ARHGAP26: variants seen among roughly 807,000 people sequenced by gnomAD.
ARHGAP26 encodes the protein Rho GTPase activating protein 26.
In ARHGAP26, 38 loss-of-function variants were observed where a neutral mutation model predicts 104.8. That is an observed-to-expected ratio of 0.36 (90% CI 0.28 to 0.48). The LOEUF is 0.48. Ranked by LOEUF, ARHGAP26 falls within the 20% of genes least tolerant of loss-of-function variation. ARHGAP26 has a pLI of 0.99. For synonymous variants in ARHGAP26, 341 were observed against 340.0 expected (o/e 1.00, Z -0.03); for missense variants, 704 against 947.9 (o/e 0.74, Z 3.38).
chr5:143,042,772 A>G (rs1783669521), intron 14 of ARHGAP26, among the ~76,000 whole-genome samples: 1 of 152,170 alleles, frequency 6.6e-6, no homozygotes, highest in Non-Finnish European at 1.5e-5. Flanking sequence ...TGTGTAAAGA[A>G]ATCTCTTCTC....
intron 3 of ARHGAP26, among the ~76,000 whole-genome samples, chr5:142,878,455 G>C (rs976242957): frequency 6.6e-6 from 1 of 152,110 alleles, no homozygotes; most frequent in Admixed American, 6.5e-5. Context: ...GTGCTGCTTT[G>C]TCTCAGCACT....
At chr5:143,154,160 T>TTAAAAA (rs534282373) in intron 20 of ARHGAP26, among the ~76,000 whole-genome samples, 20 of 142,524 alleles carry the variant, frequency 1.4e-4, no homozygotes, top group African/African-American at 5.2e-4. Flanking sequence ...TTAAAAATAT[T>TTAAAAA]AAAAAAAAAA....
chr5:142,776,981 C>T (rs919049095), intron 1 of ARHGAP26, among the ~76,000 whole-genome samples: 7 of 152,256 alleles, frequency 4.6e-5, no homozygotes, highest in East Asian at 1.9e-4. Flanking sequence ...AGTGGTATCT[C>T]GTTGTGGTTT....
intron 20 of ARHGAP26, among the ~76,000 whole-genome samples, chr5:143,161,419 G>C (rs1027570287): frequency 4.6e-5 from 7 of 152,094 alleles, no homozygotes; most frequent in Admixed American, 1.3e-4. Context: ...AACCAACATT[G>C]TGAAATGTAA....
chr5:142,956,764 A>C (rs1431957937), intron 11 of ARHGAP26, among the ~76,000 whole-genome samples: 1 of 152,216 alleles, frequency 6.6e-6, no homozygotes, highest in Admixed American at 6.5e-5. Flanking sequence ...TTACAGTTCC[A>C]CTTGGCTGGG....
At chr5:142,813,593 T>C (rs1451451554) in intron 1 of ARHGAP26, among the ~76,000 whole-genome samples, 1 of 152,206 alleles carries the variant, frequency 6.6e-6, no homozygotes, top group Non-Finnish European at 1.5e-5. Flanking sequence ...GATCAAGGTT[T>C]TGGCAGGGCT....
At chr5:143,181,646 G>A (rs115379190) in intron 20 of ARHGAP26, among the ~76,000 whole-genome samples, 1,702 of 152,290 alleles carry the variant, frequency 0.011, 23 homozygotes, top group African/African-American at 0.038. Flanking sequence ...TTATTTATAC[G>A]TGACATGAAT....
At chr5:142,840,716 T>C (rs946984992) in intron 1 of ARHGAP26, among the ~76,000 whole-genome samples, 3 of 152,162 alleles carry the variant, frequency 2.0e-5, no homozygotes, top group Admixed American at 6.5e-5. Flanking sequence ...TTCTCTGAGG[T>C]CCTGGTGTGT....
intron 20 of ARHGAP26, among the ~76,000 whole-genome samples, chr5:143,162,396 C>T (rs1373415637): frequency 1.3e-5 from 2 of 152,006 alleles, no homozygotes; most frequent in African/African-American, 4.8e-5. Context: ...CCCATGACAG[C>T]ACTTAAAATG....
At chr5:142,925,962 C>T (rs1042344095) in intron 10 of ARHGAP26, among the ~76,000 whole-genome samples, 18 of 152,196 alleles carry the variant, frequency 1.2e-4, no homozygotes, top group African/African-American at 3.6e-4. Context: ...AATAGCTTTT[C>T]CTTGTCCAAT....
intron 14 of ARHGAP26, among the ~76,000 whole-genome samples, chr5:143,051,474 C>G (rs957706341): frequency 6.6e-6 from 1 of 152,120 alleles, no homozygotes; most frequent in Admixed American, 6.5e-5. Flanking sequence ...GAGAAGTGTA[C>G]TGAGTTCTAA....
At chr5:143,199,372 T>G (rs958601096) in intron 20 of ARHGAP26, among the ~76,000 whole-genome samples, 1 of 152,236 alleles carries the variant, frequency 6.6e-6, no homozygotes, top group Non-Finnish European at 1.5e-5. Context: ...ACTGGTTTTG[T>G]GTCATTTGGT....
chr5:142,772,367 G>A (rs1378211374), intron 1 of ARHGAP26, among the ~76,000 whole-genome samples: 2 of 152,212 alleles, frequency 1.3e-5, no homozygotes, highest in African/African-American at 4.8e-5. Flanking sequence ...TTGGTTTAGG[G>A]GATGGGGGTC....
intron 3 of ARHGAP26, among the ~76,000 whole-genome samples, chr5:142,876,661 T>A (rs1239495877): frequency 6.7e-6 from 1 of 149,402 alleles, no homozygotes; most frequent in African/African-American, 2.5e-5. Flanking sequence ...ATGCTTGTAG[T>A]CCCAGCTACT....
chr5:143,095,146 C>G (rs1460262898), intron 17 of ARHGAP26, among the ~76,000 whole-genome samples: 2 of 150,002 alleles, frequency 1.3e-5, no homozygotes, highest in Admixed American at 1.3e-4. Context: ...TTCATATATT[C>G]ATTATATATT....
At chr5:142,813,975 G>A (rs1386813783) in intron 1 of ARHGAP26, among the ~76,000 whole-genome samples, 1 of 152,238 alleles carries the variant, frequency 6.6e-6, no homozygotes, top group Non-Finnish European at 1.5e-5. Context: ...CTTGGGTGTG[G>A]ACTTGGTGGC....
At position 142,929,202 on chromosome 5, in the gene ARHGAP26, G is replaced by T. The variant is rs548485102; in HGVS notation, c.1029-2845G>T. 2.0e-5 allele frequency among the ~76,000 whole-genome samples: 3 copies of T among 152,314 alleles called. No individual in the cohort carries two copies. The South Asian group carries it at 6.2e-4, about 32-fold the overall frequency. ...TCCGCCCACCTCGGCCTCCCAGAGTGCTGGGATTGATGTTAGTCACTGCGC... is the reference window on the plus strand; with the variant it reads ...TCCGCCCACCTCGGCCTCCCAGAGTTCTGGGATTGATGTTAGTCACTGCGC... On this transcript the variant is annotated intron_variant, in intron 10 of 22. Transcript: ENST00000645722.
intron 20 of ARHGAP26, among the ~76,000 whole-genome samples, chr5:143,183,118 A>C (rs939526040): frequency 6.6e-6 from 1 of 150,782 alleles, no homozygotes; most frequent in Non-Finnish European, 1.5e-5. Flanking sequence ...TTCCTTTCCT[A>C]GATAAGGCCT....
Position 143,092,857 on chromosome 5 carries a change from A to G in ARHGAP26, c.1539-28131A>G, listed in dbSNP as rs563088677. ...AACAGCTCCCACGTCTGAGCAGACCAATTATTAGGCAATTTTCCTAACTCT... is the reference window on the plus strand; with the variant it reads ...AACAGCTCCCACGTCTGAGCAGACCGATTATTAGGCAATTTTCCTAACTCT... On this transcript the variant is annotated intron_variant, in intron 17 of 22. Coordinates refer to ENST00000645722, the MANE Select transcript of ARHGAP26 (RefSeq NM_001135608.3). Among the ~76,000 whole-genome samples the G allele has an allele frequency of 1.2e-3, 175 of 152,026 alleles. 2 individuals are homozygous for G. The highest frequency in any genetic ancestry group is 6.2e-3 in the South Asian group (30 of 4,832).
Sources: allele counts gnomAD v4.1 joint callset (sites outside exome capture counted in the v4.1 genomes callset), GRCh38; gene constraint gnomAD v4.1.1; transcripts MANE v1.5; gene names NCBI Gene and HGNC (gene_info 2026-07-23, HGNC 2026-07-21).